NAV3: variants seen among roughly 807,000 people sequenced by gnomAD.
NAV3 encodes neuron navigator 3.
In NAV3, 87 loss-of-function variants were observed where a neutral mutation model predicts 244.7. The observed-to-expected ratio is 0.36, with a 90% CI of 0.30 to 0.42. The LOEUF is 0.42. NAV3 is among the 20% of genes least tolerant of loss of function. The pLI is 1.00. For missense variants in NAV3, 2,663 were observed against 2,893.3 expected (o/e 0.92, Z 1.83); for synonymous variants, 1,126 against 1,042.2 (o/e 1.08, Z -1.55).
At chr12:78,008,549 G>A (rs1404979325) in intron 8 of NAV3, among the ~76,000 whole-genome samples, 2 of 151,984 alleles carry the variant, frequency 1.3e-5, no homozygotes, top group Non-Finnish European at 1.5e-5. Context: ...TGAATAGGAA[G>A]CAGGACCCAC....
chr12:78,080,125 A>G (rs559962065), intron 12 of NAV3, among the ~76,000 whole-genome samples: 2 of 152,336 alleles, frequency 1.3e-5, no homozygotes, highest in East Asian at 1.9e-4. Flanking sequence ...CATTTTAGAC[A>G]AAAATAATTT....
At chr12:77,813,648 A>G (rs900718746) in intron 2 of NAV3, among the ~76,000 whole-genome samples, 1 of 152,194 alleles carries the variant, frequency 6.6e-6, no homozygotes, top group African/African-American at 2.4e-5. Context: ...ACCCATCAAA[A>G]TAAAAGGGCT....
intron 12 of NAV3, among the ~76,000 whole-genome samples, chr12:78,095,342 CAA>C (rs1308054853): frequency 6.6e-6 from 1 of 151,532 alleles, no homozygotes; most frequent in Non-Finnish European, 1.5e-5. Flanking sequence ...GAAGAGAGAG[CAA>C]GAGAGAGAAA....
chr12:78,042,240 A>G (rs1593364170), intron 9 of NAV3, among the ~76,000 whole-genome samples: 1 of 152,188 alleles, frequency 6.6e-6, no homozygotes, highest in South Asian at 2.1e-4. Flanking sequence ...TATCAACAAA[A>G]TGGCTTAAGG....
chr12:77,899,649 A>G (rs1037969353), intron 1 of NAV3, among the ~76,000 whole-genome samples: 3 of 152,176 alleles, frequency 2.0e-5, no homozygotes, highest in East Asian at 1.9e-4. Flanking sequence ...TTATTGCACT[A>G]TTTGGTTTAA....
intron 2 of NAV3, among the ~76,000 whole-genome samples, chr12:77,667,916 C>T (rs1427492106): frequency 1.3e-5 from 2 of 152,168 alleles, no homozygotes; most frequent in Admixed American, 6.5e-5. Context: ...GCTACCTCCA[C>T]CAGAGCAGGT....
intron 1 of NAV3, among the ~76,000 whole-genome samples, chr12:77,835,386 T>A (rs919653787): frequency 2.0e-5 from 3 of 152,198 alleles, no homozygotes; most frequent in Admixed American, 1.3e-4. Flanking sequence ...TTATGTGGGG[T>A]ACTCTGCTAG....
chr12:78,210,299 G>T, intron 39 of NAV3, 99 bp from the exon 40 acceptor site: 1 of 1,549,340 alleles, frequency 6.5e-7, no homozygotes, highest in South Asian at 1.2e-5. Context: ...ACTTGGATGG[G>T]ATAAGATAGC....
intron 2 of NAV3, among the ~76,000 whole-genome samples, chr12:77,808,328 CT>C (rs1296568150): frequency 6.6e-6 from 1 of 152,184 alleles, no homozygotes; most frequent in African/African-American, 2.4e-5. Context: ...TACCTTCACT[CT>C]TTGATGTTGG....
intron 2 of NAV3, among the ~76,000 whole-genome samples, chr12:77,703,643 C>T (rs1565779023): frequency 6.6e-6 from 1 of 152,084 alleles, no homozygotes; most frequent in South Asian, 2.1e-4. Context: ...CACAAACAAA[C>T]TATGAGGGTT....
rs550563982 is a variant in NAV3, at chr12:77,843,415, G to A, written c.243+11711G>A. ...TAATCATTTGTGTGTGTGTGTGTGT[G>A]TGTGTTTGTGTGTGTATCTTATAGG... is the stretch of plus-strand genomic sequence containing the variant. On this transcript the variant is annotated intron_variant, in intron 1 of 39. Transcript: ENST00000397909. Among the ~76,000 whole-genome samples, 307 of 151,918 alleles carry A rather than the reference G, an allele frequency of 2.0e-3. 1 individual carries two copies. Among genetic ancestry groups the A allele is most frequent in the Middle Eastern group, 6.8e-3 (2 of 292 alleles).
At chr12:77,604,201 G>T (rs1870568475) in intron 2 of NAV3, among the ~76,000 whole-genome samples, 1 of 152,066 alleles carries the variant, frequency 6.6e-6, no homozygotes, top group African/African-American at 2.4e-5. Flanking sequence ...CCACCAATCT[G>T]CATAGACAAT....
intron 2 of NAV3, among the ~76,000 whole-genome samples, chr12:77,618,054 G>T (rs1277533864): frequency 6.6e-6 from 1 of 152,050 alleles, no homozygotes. Flanking sequence ...TTGTCTCTCC[G>T]CTTCTTGCCT....
At chr12:77,740,275 CTTTAA>C (rs1868302285) in intron 2 of NAV3, among the ~76,000 whole-genome samples, 1 of 152,042 alleles carries the variant, frequency 6.6e-6, no homozygotes, top group African/African-American at 2.4e-5. Flanking sequence ...AAATTTTCTT[CTTTAA>C]TTTGACATTT....
rs117734613 is a variant in NAV3, at chr12:77,911,754, A to C, written c.244-28565A>C. ...ATGTGAATTTTTCATTTTATGACCA[A>C]ATGTGTTTATTTTAGTCTAAAATTA... On this transcript the variant is annotated intron_variant, in intron 1 of 39. Transcript: ENST00000397909. Among the ~76,000 whole-genome samples the C allele has an allele frequency of 1.0e-3, 152 of 152,246 alleles. 2 individuals are homozygous for C. In the East Asian group the frequency reaches 0.028, roughly 28 times the overall value.
rs752841148 is a variant in NAV3, at chr12:78,176,415, C to T, written c.5104-24C>T. On this transcript the variant is annotated intron_variant, in intron 25 of 39. Transcript: ENST00000397909. ...CCTTCATTCCCTTGATTTGTAATTCCACACTCTTTCATGTTTCTGCAAGGT... is the reference window on the plus strand; with the variant it reads ...CCTTCATTCCCTTGATTTGTAATTCTACACTCTTTCATGTTTCTGCAAGGT... 3 of 1,611,180 alleles carry T rather than the reference C, an allele frequency of 1.9e-6. No individual in the cohort carries two copies. In the South Asian group the frequency reaches 3.3e-5, roughly 18 times the overall value.
intron 9 of NAV3, among the ~76,000 whole-genome samples, chr12:78,027,076 T>C (rs569627999): frequency 6.6e-6 from 1 of 152,278 alleles, no homozygotes; most frequent in South Asian, 2.1e-4. Flanking sequence ...TTAGTTATTC[T>C]ACAGAAGTAA....
At chr12:77,710,071 A>G (rs746735522) in intron 2 of NAV3, among the ~76,000 whole-genome samples, 1 of 152,202 alleles carries the variant, frequency 6.6e-6, no homozygotes, top group Non-Finnish European at 1.5e-5. Context: ...TTAGAAATCC[A>G]CATTTTGAAA....
chr12:77,945,130 A>AT (rs200747700), intron 3 of NAV3, among the ~76,000 whole-genome samples: 16,125 of 151,790 alleles, frequency 0.11, 964 homozygotes, highest in East Asian at 0.2. Flanking sequence ...AGAAAAAAAA[A>AT]AAATAAATAG....
Sources: allele counts gnomAD v4.1 joint callset (sites outside exome capture counted in the v4.1 genomes callset), GRCh38; gene constraint gnomAD v4.1.1; transcripts MANE v1.5; gene names NCBI Gene and HGNC (gene_info 2026-07-23, HGNC 2026-07-21).